CAPN7: variants seen among roughly 807,000 people sequenced by gnomAD.
CAPN7 encodes calpain 7.
CAPN7 carries 72 observed loss-of-function variants against 115.2 expected under a neutral mutation model. The observed-to-expected ratio is 0.63, with a 90% CI of 0.52 to 0.76. The LOEUF (loss-of-function observed/expected upper bound fraction) is 0.76. Among genes scored for constraint, CAPN7 ranks in the 30% least tolerant of loss-of-function variants. The pLI, the probability that CAPN7 is intolerant of heterozygous loss-of-function variation, is 0.00. For synonymous variants in CAPN7, 344 were observed against 322.3 expected (o/e 1.07, Z -0.72); for missense variants, 905 against 971.5 (o/e 0.93, Z 0.91).
At chr3:15,237,213 C>CGT (rs1189312265) in intron 12 of CAPN7, among the ~76,000 whole-genome samples, 1 of 152,006 alleles carries the variant, frequency 6.6e-6, no homozygotes, top group Admixed American at 6.5e-5. Flanking sequence ...TAGAGCTGTA[C>CGT]ACAAGTACTT....
At chr3:15,217,382 A>G (rs1183794206) in intron 2 of CAPN7, 43 bp from the exon 3 acceptor site, 5 of 1,461,038 alleles carry the variant, frequency 3.4e-6, no homozygotes, top group Middle Eastern at 1.9e-4. Context: ...TTCTGGCTGT[A>G]TTTAGATAAT....
chr3:15,216,929 C>T (rs1693639078), intron 2 of CAPN7, among the ~76,000 whole-genome samples: 2 of 151,410 alleles, frequency 1.3e-5, no homozygotes. Context: ...TTTCTTAGAC[C>T]TTAAGATTAA....
At chr3:15,216,069 CAG>C (rs1162813429) in intron 2 of CAPN7, among the ~76,000 whole-genome samples, 1 of 150,526 alleles carries the variant, frequency 6.6e-6, no homozygotes, top group Non-Finnish European at 1.5e-5. Context: ...ACTTGGGTGA[CAG>C]GGTGAGATTC....
chr3:15,239,876 G>T lies in CAPN7; in HGVS notation c.1408-597G>T, dbSNP rs564102445. On this transcript the variant is annotated intron_variant, in intron 12 of 20. Coordinates refer to ENST00000253693, the MANE Select transcript of CAPN7 (RefSeq NM_014296.3). ...ATGTCTGTCTGCACTGAGAAGAAAG[G>T]GTAGCTAAAGGGATCAAAGAGGGCC... Among the ~76,000 whole-genome samples, 5 of 152,262 alleles carry T rather than the reference G, an allele frequency of 3.3e-5. No homozygotes were observed. The East Asian group carries it at 9.6e-4, about 29-fold the overall frequency.
chr3:15,221,739 G>A (rs565733750), intron 5 of CAPN7, among the ~76,000 whole-genome samples: 9 of 152,078 alleles, frequency 5.9e-5, no homozygotes, highest in Admixed American at 4.6e-4. Flanking sequence ...GGAGGCAGAG[G>A]GGGGCAGATC....
intron 20 of CAPN7, 36 bp downstream of exon 20, chr3:15,251,059 T>A: frequency 6.3e-7 from 1 of 1,598,286 alleles, no homozygotes; most frequent in Non-Finnish European, 8.5e-7. Flanking sequence ...TATTTTATAC[T>A]TTACTTTTTG....
chr3:15,218,567 C>G (rs191812136), intron 4 of CAPN7, 27 bp downstream of exon 4: 2 of 1,506,010 alleles, frequency 1.3e-6, no homozygotes, highest in South Asian at 2.3e-5. Flanking sequence ...AAGTTCTAAT[C>G]CATGGATGGC....
At chr3:15,217,286 A>T in intron 2 of CAPN7, 139 bp from the exon 3 acceptor site, 2 of 709,378 alleles carry the variant, frequency 2.8e-6, no homozygotes, top group Non-Finnish European at 4.1e-6. Context: ...TCCTTTTTTA[A>T]GGATTTTTTT....
chr3:15,238,849 AT>A (rs59838740), intron 12 of CAPN7, among the ~76,000 whole-genome samples: 1,917 of 113,964 alleles, frequency 0.017, 13 homozygotes, highest in African/African-American at 0.037. Context: ...GCAAAATCAA[AT>A]TTTTTTTTTT....
rs375465234 is a variant in CAPN7, at chr3:15,212,426, T to A, written c.211+214T>A. Reference sequence around the variant, plus strand: ...GAACCTTATAGACAATATAGTCCAGTTTCCTAATTTCCCAGAGTGCAGAGA... The same window carrying A: ...GAACCTTATAGACAATATAGTCCAGATTCCTAATTTCCCAGAGTGCAGAGA... On this transcript the variant is annotated intron_variant, in intron 2 of 20. Transcript: ENST00000253693. Among the ~76,000 whole-genome samples the A allele has an allele frequency of 1.7e-4, 26 of 152,370 alleles. No individual in the cohort carries two copies. In the South Asian group the frequency reaches 5.4e-3, roughly 32 times the overall value.
chr3:15,236,312 A>C (rs1694989891), intron 12 of CAPN7, among the ~76,000 whole-genome samples: 1 of 152,228 alleles, frequency 6.6e-6, no homozygotes, highest in Non-Finnish European at 1.5e-5. Context: ...CTGTTTCTGC[A>C]ATATCTGGTT....
At chr3:15,219,999 G>A (rs371084675) in intron 4 of CAPN7, among the ~76,000 whole-genome samples, 1 of 152,200 alleles carries the variant, frequency 6.6e-6, no homozygotes, top group Admixed American at 6.5e-5. Context: ...TCAGGAGTTC[G>A]AGACCAGCCT....
rs1180919195 is a variant in CAPN7, at chr3:15,242,390, A to C, written c.1864+137A>C. 10 of 576,230 alleles carry C rather than the reference A, an allele frequency of 1.7e-5. No homozygotes were observed. In the South Asian group the frequency reaches 2.5e-4, roughly 14 times the overall value. 35.7% of individuals were successfully genotyped at this position (576,230 alleles called of 1,614,324 possible). A position where few individuals can be genotyped will look rare whatever the true frequency, so the allele number is the denominator to read the frequency against. ...TTGATAGACTAATAGAAACCACTCA[A>C]GCAGATGGGTATTCATGCTGTTCTG... On this transcript the variant is annotated intron_variant, in intron 16 of 20. Transcript: ENST00000253693.
Position 15,221,392 on chromosome 3 carries a change from A to C in CAPN7, c.638+411A>C, listed in dbSNP as rs578143562. ...TTTTTTAGTAGAGACAGGGTTTCAT[A>C]ATGTTGGCCAGGCTGGTCTCGAGCT... On this transcript the variant is annotated intron_variant, in intron 5 of 20. Transcript: ENST00000253693. Among the ~76,000 whole-genome samples the C allele has an allele frequency of 4.1e-3, 567 of 138,960 alleles. 4 individuals carry two copies. The highest frequency in any genetic ancestry group is 0.015 in the African/African-American group (548 of 36,776). 91.2% of individuals were successfully genotyped at this position (138,960 alleles called of 152,430 possible).
In CAPN7 at chr3:15,251,498, T is replaced by C. The variant is rs1696003582; in HGVS notation, c.*238T>C. 9.1e-6 allele frequency: 3 copies of C among 329,154 alleles called. No individual in the cohort carries two copies. Among genetic ancestry groups the C allele is most frequent in the African/African-American group, 4.3e-5 (2 of 46,904 alleles). 20.4% of individuals were successfully genotyped at this position (329,154 alleles called of 1,614,324 possible). The stretch of plus-strand genomic sequence containing the variant: ...TTTGTGTATATAGAGTTGGCTTGCA[T>C]TTTAGGGGCCATTTTGTATAAAAAG... On this transcript the variant is annotated 3_prime_UTR_variant, in exon 21 of 21. Coordinates refer to ENST00000253693, the MANE Select transcript of CAPN7 (RefSeq NM_014296.3).
intron 3 of CAPN7, 62 bp downstream of exon 3, chr3:15,217,644 G>T (rs1693715872): frequency 7.4e-7 from 1 of 1,352,054 alleles, no homozygotes; most frequent in Admixed American, 2.4e-5. Flanking sequence ...TCTTGCTAGT[G>T]AATTTTACAT....
chr3:15,223,558 T>G lies in CAPN7; in HGVS notation c.722T>G (p.Phe241Cys). 6.3e-7 allele frequency: 1 copy of G among 1,588,774 alleles called. No homozygotes were observed. The highest frequency in any genetic ancestry group is 2.3e-5 in the East Asian group (1 of 44,190). The change falls in exon 6 of 21, where the codon TTC (phenylalanine) becomes TGC (cysteine). Residue 241 changes from phenylalanine to cysteine, a missense_variant. Phe to Cys is a radical substitution (Grantham distance 205). Around this residue, in one of 3 missense-constraint regions of CAPN7, gnomAD observed 620 missense variants for 703.4 expected, o/e 0.88. Coordinates refer to ENST00000253693, the MANE Select transcript of CAPN7 (RefSeq NM_014296.3). ...GAACGTTTTGCCTATCCAATGCCTTTCTGGTAAGTAAGCACTGTTGCAATT... is the reference window on the plus strand; with the variant it reads ...GAACGTTTTGCCTATCCAATGCCTTGCTGGTAAGTAAGCACTGTTGCAATT... ...LRERFAYPMPFCDRWGKLPLS... is the reference protein window; with the variant it reads ...LRERFAYPMPCCDRWGKLPLS...
At chr3:15,222,157 C>T (rs1476797636) in intron 5 of CAPN7, among the ~76,000 whole-genome samples, 4 of 151,662 alleles carry the variant, frequency 2.6e-5, no homozygotes, top group African/African-American at 4.8e-5. Context: ...AAACATTTGC[C>T]GACCCCCTGT....
At chr3:15,224,607 GAA>G (rs59743200) in intron 6 of CAPN7, among the ~76,000 whole-genome samples, 1 of 147,558 alleles carries the variant, frequency 6.8e-6, no homozygotes, top group Non-Finnish European at 1.5e-5. Context: ...TAGATGCATA[GAA>G]AAAAAAAATG....
Sources: gnomAD v4.1 joint callset for allele counts (sites outside exome capture counted in the v4.1 genomes callset) on GRCh38, gnomAD v4.1.1 for gene constraint, gnomAD v4.1.1 regional missense constraint, MANE v1.5 for transcripts, NCBI Gene and HGNC (gene_info 2026-07-23, HGNC 2026-07-21) for gene names.